The following MSRA variants were observed in gnomAD, a reference collection of about 807,000 sequenced individuals.
The protein encoded by MSRA is methionine sulfoxide reductase A.
A neutral mutation model predicts 31.3 loss-of-function variants in MSRA; 54 were observed. The ratio of observed to expected loss-of-function variants is 1.73; its 90% confidence interval spans 1.39 to 2.17. MSRA has a LOEUF of 2.17. Among genes scored for constraint, MSRA ranks in the 30% most tolerant of loss-of-function variants. MSRA has a pLI of 0.00. For synonymous variants in MSRA, 169 were observed against 116.5 expected (o/e 1.45, Z -2.90); for missense variants, 507 against 300.9 (o/e 1.69, Z -5.07).
intron 3 of MSRA, among the ~76,000 whole-genome samples, chr8:10,286,294 C>A (rs772072166): frequency 3.5e-4 from 53 of 152,106 alleles, no homozygotes; most frequent in Non-Finnish European, 7.6e-4. Context: ...TGGGAGGGAC[C>A]TGGTGGGAGG....
chr8:10,170,979 G>C (rs935593487), intron 1 of MSRA, among the ~76,000 whole-genome samples: 2 of 152,218 alleles, frequency 1.3e-5, no homozygotes, highest in African/African-American at 4.8e-5. Flanking sequence ...CGTGGTGAGA[G>C]TGGATATCTT....
chr8:10,205,292 T>C (rs574711948), intron 1 of MSRA, among the ~76,000 whole-genome samples: 12 of 151,136 alleles, frequency 7.9e-5, no homozygotes, highest in Admixed American at 5.3e-4. Context: ...GAGGCTTCGG[T>C]AATGAAAAAA....
At chr8:10,412,604 G>A (rs2129189582) in intron 5 of MSRA, among the ~76,000 whole-genome samples, 1 of 152,190 alleles carries the variant, frequency 6.6e-6, no homozygotes, top group South Asian at 2.1e-4. Context: ...AACAATACAA[G>A]CAAATCACCT....
chr8:10,391,240 A>G (rs1806726463), intron 5 of MSRA, among the ~76,000 whole-genome samples: 1 of 152,186 alleles, frequency 6.6e-6, no homozygotes, highest in Admixed American at 6.5e-5. Flanking sequence ...TAGTTTGAAA[A>G]GAGGTTTATT....
At chr8:10,125,931 A>G (rs1157981958) in intron 1 of MSRA, among the ~76,000 whole-genome samples, 3 of 152,208 alleles carry the variant, frequency 2.0e-5, no homozygotes, top group African/African-American at 7.2e-5. Context: ...CTGCTTTAAA[A>G]GGCGTTGGTC....
At chr8:10,269,371 A>G (rs569856085) in intron 3 of MSRA, among the ~76,000 whole-genome samples, 1 of 152,358 alleles carries the variant, frequency 6.6e-6, no homozygotes, top group African/African-American at 2.4e-5. Flanking sequence ...TAGCAGAATC[A>G]GAAATATGTC....
chr8:10,284,955 A>T (rs991777631), intron 3 of MSRA, among the ~76,000 whole-genome samples: 1 of 152,008 alleles, frequency 6.6e-6, no homozygotes, highest in Admixed American at 6.6e-5. Flanking sequence ...GAATTTAAAG[A>T]CATTCGTGTA....
chr8:10,337,231 G>A (rs965126982), intron 5 of MSRA: 1 of 152,838 alleles, frequency 6.5e-6, no homozygotes, highest in Non-Finnish European at 1.5e-5. Flanking sequence ...CCAGGCTGGA[G>A]TGCAGTGGTG....
chr8:10,412,979 T>G (rs562635110), intron 5 of MSRA, among the ~76,000 whole-genome samples: 1 of 152,308 alleles, frequency 6.6e-6, no homozygotes, highest in African/African-American at 2.4e-5. Context: ...AGTCCTAGAT[T>G]TTTACCTACG....
At chr8:10,176,011 T>C (rs1339412847) in intron 1 of MSRA, among the ~76,000 whole-genome samples, 1 of 152,234 alleles carries the variant, frequency 6.6e-6, no homozygotes, top group Admixed American at 6.5e-5. Flanking sequence ...GTCATCAGTA[T>C]TGGGCTAATG....
chr8:10,296,299 G>A (rs931068963), intron 3 of MSRA, among the ~76,000 whole-genome samples: 4 of 152,214 alleles, frequency 2.6e-5, no homozygotes, highest in African/African-American at 9.7e-5. Flanking sequence ...TTCTCCTAGA[G>A]TTGAGTCCTA....
intron 5 of MSRA, among the ~76,000 whole-genome samples, chr8:10,338,314 C>T (rs535484797): frequency 6.6e-6 from 1 of 152,216 alleles, no homozygotes; most frequent in Middle Eastern, 3.4e-3. Flanking sequence ...AATCCTAAAG[C>T]AGGGAATAGA....
intron 4 of MSRA, among the ~76,000 whole-genome samples, chr8:10,305,108 G>A (rs1443366135): frequency 6.6e-6 from 1 of 152,166 alleles, no homozygotes; most frequent in Non-Finnish European, 1.5e-5. Flanking sequence ...TTTTTGTAAA[G>A]TCATTAAGGA....
intron 1 of MSRA, among the ~76,000 whole-genome samples, chr8:10,108,391 C>G (rs1039100066): frequency 3.9e-5 from 6 of 152,212 alleles, no homozygotes; most frequent in Non-Finnish European, 8.8e-5. Context: ...AGAGGAGTGA[C>G]TCCCACTGAC....
chr8:10,426,013 T>A (rs1809137123), intron 5 of MSRA, among the ~76,000 whole-genome samples: 1 of 152,338 alleles, frequency 6.6e-6, no homozygotes, highest in Admixed American at 6.5e-5. Context: ...CTTATTGTTG[T>A]CACCAGAATA....
At chr8:10,058,315 A>T (rs1314012150) in intron 1 of MSRA, among the ~76,000 whole-genome samples, 1 of 152,214 alleles carries the variant, frequency 6.6e-6, no homozygotes, top group Non-Finnish European at 1.5e-5. Flanking sequence ...AAAAAGATGA[A>T]AGTACAAATA....
chr8:10,219,827 A>AAAAAAAAAAAAAG, intron 2 of MSRA, among the ~76,000 whole-genome samples: 1 of 150,906 alleles, frequency 6.6e-6, no homozygotes, highest in East Asian at 1.9e-4. Context: ...AAAAAAAAAA[A>AAAAAAAAAAAAAG]AGATATTTGT....
intron 1 of MSRA, among the ~76,000 whole-genome samples, chr8:10,111,922 C>G (rs1160990671): frequency 6.6e-6 from 1 of 152,170 alleles, no homozygotes. Context: ...CTGGTCCTTG[C>G]AGCAGCTGAG....
At chr8:10,211,998 A>C (rs1037330831) in intron 2 of MSRA, among the ~76,000 whole-genome samples, 1 of 152,046 alleles carries the variant, frequency 6.6e-6, no homozygotes, top group Non-Finnish European at 1.5e-5. Context: ...TTAATTTGTG[A>C]AGATTCTTGG....
Sources: allele counts gnomAD v4.1 joint callset (sites outside exome capture counted in the v4.1 genomes callset), GRCh38; gene constraint gnomAD v4.1.1; transcripts MANE v1.5; gene names NCBI Gene and HGNC (gene_info 2026-07-23, HGNC 2026-07-21).